The following ATXN7L1 variants were observed in gnomAD, a reference collection of about 807,000 sequenced individuals.
ATXN7L1 encodes ataxin 7 like 1.
A neutral mutation model predicts 70.8 loss-of-function variants in ATXN7L1; 15 were observed. The ratio of observed to expected loss-of-function variants is 0.21; its 90% CI spans 0.14 to 0.33. The LOEUF (loss-of-function observed/expected upper bound fraction) is 0.33, where lower values mean the gene tolerates loss of function less well. Among genes scored for constraint, ATXN7L1 ranks in the 10% least tolerant of loss-of-function variants. The pLI is 1.00. For missense variants in ATXN7L1, 975 were observed against 1,097.1 expected, an observed-to-expected ratio of 0.89 and a Z score of 1.57; for synonymous variants, 440 against 445.1, an observed-to-expected ratio of 0.99 and a Z score of 0.14.
chr7:105,771,222 A>AATAATAATAATG (rs1337151678), intron 3 of ATXN7L1, among the ~76,000 whole-genome samples: 1 of 149,214 alleles, frequency 6.7e-6, no homozygotes, highest in Non-Finnish European at 1.5e-5. Flanking sequence ...TAATAATAAT[A>AATAATAATAATG]ATAATAATAA....
At chr7:105,808,956 G>T (rs1158585279) in intron 2 of ATXN7L1, among the ~76,000 whole-genome samples, 2 of 152,214 alleles carry the variant, frequency 1.3e-5, no homozygotes, top group Non-Finnish European at 2.9e-5. Flanking sequence ...CCAACCTACG[G>T]GGCATAGAAG....
At chr7:105,712,157 GCA>G (rs1421858247) in intron 3 of ATXN7L1, among the ~76,000 whole-genome samples, 1 of 152,228 alleles carries the variant, frequency 6.6e-6, no homozygotes, top group Admixed American at 6.5e-5. Context: ...AGGATGCAGG[GCA>G]CAGTGTCCCA....
chr7:105,649,566 A>G, intron 4 of ATXN7L1: 1 of 987,846 alleles, frequency 1.0e-6, no homozygotes, highest in East Asian at 1.1e-4. Context: ...GATGTCTGCA[A>G]AAGAACAGAG....
chr7:105,732,595 G>A (rs553387961), intron 3 of ATXN7L1, among the ~76,000 whole-genome samples: 2 of 152,274 alleles, frequency 1.3e-5, no homozygotes, highest in South Asian at 2.1e-4. Flanking sequence ...GACAACTGCT[G>A]AGTATGCAGT....
chr7:105,726,417 T>C (rs1424686487), intron 3 of ATXN7L1, among the ~76,000 whole-genome samples: 4 of 152,184 alleles, frequency 2.6e-5, no homozygotes, highest in Non-Finnish European at 5.9e-5. Flanking sequence ...TTACCTTACA[T>C]GTCCCTTAGT....
chr7:105,800,127 G>A (rs1270521246), intron 2 of ATXN7L1, among the ~76,000 whole-genome samples: 1 of 152,076 alleles, frequency 6.6e-6, no homozygotes, highest in African/African-American at 2.4e-5. Context: ...TTAAGGTAAT[G>A]GAAAATAAGA....
intron 11 of ATXN7L1, among the ~76,000 whole-genome samples, chr7:105,609,852 A>G (rs1000592586): frequency 1.3e-5 from 2 of 151,056 alleles, no homozygotes; most frequent in Non-Finnish European, 2.9e-5. Context: ...GCTCACTGCA[A>G]CCTCCACCTC....
At chr7:105,809,697 T>C (rs1369876328) in intron 2 of ATXN7L1, among the ~76,000 whole-genome samples, 1 of 152,086 alleles carries the variant, frequency 6.6e-6, no homozygotes, top group Non-Finnish European at 1.5e-5. Flanking sequence ...CTCCTTTTGA[T>C]AGATGAGGAA....
At chr7:105,780,708 C>T (rs1803400918) in intron 3 of ATXN7L1, among the ~76,000 whole-genome samples, 1 of 151,798 alleles carries the variant, frequency 6.6e-6, no homozygotes, top group South Asian at 2.1e-4. Context: ...TTTCTTTTGC[C>T]TTTAAAAAAA....
intron 2 of ATXN7L1, among the ~76,000 whole-genome samples, chr7:105,827,855 G>A (rs927967287): frequency 1.3e-5 from 2 of 152,080 alleles, no homozygotes; most frequent in Non-Finnish European, 2.9e-5. Flanking sequence ...CCCAGCAGTC[G>A]GGCTGCATCC....
chr7:105,695,809 C>T (rs1026183128), intron 3 of ATXN7L1, among the ~76,000 whole-genome samples: 5 of 152,210 alleles, frequency 3.3e-5, no homozygotes, highest in African/African-American at 9.7e-5. Flanking sequence ...GACACACGCA[C>T]AGCTTAATCT....
intron 7 of ATXN7L1, among the ~76,000 whole-genome samples, chr7:105,636,579 A>T (rs1394321125): frequency 6.6e-6 from 1 of 151,946 alleles, no homozygotes; most frequent in Non-Finnish European, 1.5e-5. Flanking sequence ...TGAAAATTAA[A>T]CCCAAAAGGA....
intron 3 of ATXN7L1, chr7:105,761,223 T>A: frequency 6.8e-7 from 1 of 1,464,780 alleles, no homozygotes; most frequent in Non-Finnish European, 9.0e-7. Context: ...TACTAGATCC[T>A]GACACCAGAG....
At chr7:105,854,860 T>C (rs1025952551) in intron 2 of ATXN7L1, among the ~76,000 whole-genome samples, 1 of 152,214 alleles carries the variant, frequency 6.6e-6, no homozygotes, top group Non-Finnish European at 1.5e-5. Context: ...AAGCTTACAA[T>C]TGAATATAAA....
intron 3 of ATXN7L1, among the ~76,000 whole-genome samples, chr7:105,692,415 T>TTCCTTCCCTCCCTCCC (rs1563009788): frequency 1.8e-4 from 24 of 134,836 alleles, no homozygotes; most frequent in Non-Finnish European, 2.7e-4. Context: ...CCTTCCTTCC[T>TTCCTTCCCTCCCTCCC]TCCTTCCTTC....
chr7:105,748,116 CAAAAAAA>C (rs10566200), intron 3 of ATXN7L1, among the ~76,000 whole-genome samples: 3 of 121,978 alleles, frequency 2.5e-5, no homozygotes, highest in Admixed American at 7.9e-5. Context: ...AACTCCATCT[CAAAAAAA>C]AAAAAAAAAA....
intron 8 of ATXN7L1, among the ~76,000 whole-genome samples, chr7:105,620,722 C>A (rs983781616): frequency 2.0e-5 from 3 of 151,858 alleles, no homozygotes; most frequent in Non-Finnish European, 4.4e-5. Flanking sequence ...TGGTGAAGCC[C>A]CGTTTCTACT....
intron 2 of ATXN7L1, among the ~76,000 whole-genome samples, chr7:105,810,239 T>C (rs1400484419): frequency 6.6e-6 from 1 of 152,076 alleles, no homozygotes; most frequent in Non-Finnish European, 1.5e-5. Flanking sequence ...CCTTGTATAG[T>C]TCAGAGTGGT....
chr7:105,824,934 A>C (rs1264077377), intron 2 of ATXN7L1, among the ~76,000 whole-genome samples: 4 of 151,744 alleles, frequency 2.6e-5, no homozygotes, highest in Middle Eastern at 3.4e-3. Flanking sequence ...AAAAAAAAAA[A>C]CAAAAAAATA....
Sources: allele counts gnomAD v4.1 joint callset (sites outside exome capture counted in the v4.1 genomes callset), GRCh38; gene constraint gnomAD v4.1.1; transcripts MANE v1.5; gene names NCBI Gene and HGNC (gene_info 2026-07-23, HGNC 2026-07-21).